Variants in THSD7A observed in about 807,000 individuals in gnomAD.
THSD7A encodes the protein thrombospondin type-1 domain-containing protein 7A.
Under a neutral mutation model 231.3 loss-of-function variants are expected in THSD7A, and 96 were observed. The ratio of observed to expected loss-of-function variants is 0.41; its 90% CI spans 0.35 to 0.49. The LOEUF (loss-of-function observed/expected upper bound fraction) is 0.49, where lower values mean the gene tolerates loss of function less well. THSD7A is among the 20% of genes least tolerant of loss of function. THSD7A has a pLI of 0.05. For synonymous variants in THSD7A, 940 were observed against 743.3 expected (o/e 1.26, Z -4.30); for missense variants, 2,290 against 2,070.2 (o/e 1.11, Z -2.06).
Position 11,634,620 on chromosome 7 carries a change from C to A in THSD7A, c.1022+1510G>T, listed in dbSNP as rs1014518241. Among the ~76,000 whole-genome samples the A allele has an allele frequency of 2.6e-5, 4 of 152,038 alleles. No individual in the cohort carries two copies. The highest frequency in any genetic ancestry group is 6.6e-5 in the Admixed American group (1 of 15,262). ...ACACACACACACACACATACACACA[C>A]ACACATTTAAGGAGTTGTAGGAAAC... is the stretch of plus-strand genomic sequence containing the variant. On this transcript the variant is annotated intron_variant, in intron 2 of 27. Coordinates refer to ENST00000423059, the MANE Select transcript of THSD7A (RefSeq NM_015204.3). The surrounding 1 kb of genome is among the most constrained non-coding windows in gnomAD (Gnocchi z 4.1).
intron 23 of THSD7A, among the ~76,000 whole-genome samples, chr7:11,394,417 G>C (rs894353067): frequency 2.6e-5 from 4 of 152,148 alleles, no homozygotes; most frequent in African/African-American, 9.7e-5. Context: ...ATCAGTCAGA[G>C]TGGTGGGAGA....
chr7:11,805,258 G>A (rs544130363), intron 1 of THSD7A, among the ~76,000 whole-genome samples: 17 of 152,076 alleles, frequency 1.1e-4, no homozygotes, highest in Non-Finnish European at 2.2e-4. Flanking sequence ...AAGGAAATGG[G>A]ACTATCTCTT....
At chr7:11,473,787 A>G (rs1786035229) in intron 8 of THSD7A, among the ~76,000 whole-genome samples, 1 of 152,108 alleles carries the variant, frequency 6.6e-6, no homozygotes, top group Non-Finnish European at 1.5e-5. Flanking sequence ...TCTACTTATA[A>G]TAACACTCAT....
In THSD7A at chr7:11,542,550, G is replaced by A. The variant is rs530871050; in HGVS notation, c.1609+412C>T. ...TCAGGCACTGAACTAAGTGCTTTAT[G>A]TTTATCTGATTGACTGCTTAGAGAC... On this transcript the variant is annotated intron_variant, in intron 5 of 27. Transcript: ENST00000423059. 5.3e-5 allele frequency among the ~76,000 whole-genome samples: 8 copies of A among 152,284 alleles called. No individual in the cohort carries two copies. The East Asian group carries it at 1.5e-3, about 29-fold the overall frequency.
chr7:11,761,440 A>G (rs1417792651), intron 1 of THSD7A, among the ~76,000 whole-genome samples: 5 of 152,086 alleles, frequency 3.3e-5, no homozygotes, highest in Non-Finnish European at 7.4e-5. Flanking sequence ...TGTTTTCATC[A>G]TGCATATCTT....
At chr7:11,554,283 C>G (rs1162932023) in intron 4 of THSD7A, among the ~76,000 whole-genome samples, 1 of 151,902 alleles carries the variant, frequency 6.6e-6, no homozygotes, top group Non-Finnish European at 1.5e-5. Flanking sequence ...TATGAGAAGG[C>G]CATGTGAAGG....
intron 1 of THSD7A, among the ~76,000 whole-genome samples, chr7:11,640,852 C>G (rs866560660): frequency 7.9e-5 from 12 of 152,142 alleles, no homozygotes; most frequent in African/African-American, 2.4e-4. Context: ...ATCAAATGTT[C>G]TTTTCCCACT....
chr7:11,545,377 T>C (rs1789337348), intron 4 of THSD7A, among the ~76,000 whole-genome samples: 1 of 152,178 alleles, frequency 6.6e-6, no homozygotes, highest in African/African-American at 2.4e-5. Context: ...TTATTTTATA[T>C]ATAAAGTTGA....
Position 11,411,116 on chromosome 7 carries a change from G to T in THSD7A, c.3798+91C>A. 1 of 884,784 alleles carries T rather than the reference G, an allele frequency of 1.1e-6. No homozygotes were observed. The highest frequency in any genetic ancestry group is 1.8e-6 in the Non-Finnish European group (1 of 556,670). The allele number at this position is 884,784 out of a possible 1,614,324, so 54.8% of individuals were successfully genotyped here. On this transcript the variant is annotated intron_variant, in intron 19 of 27. Coordinates refer to ENST00000423059, the MANE Select transcript of THSD7A (RefSeq NM_015204.3). This position sits in a 1 kb window ranked among gnomAD's most constrained non-coding sequence, Gnocchi z 4.1. ...GCAGAAAAACATCTGCTGGCAATGAGCTGCATGGAGCACGGGTCACTTGGC... is the reference window on the plus strand; with the variant it reads ...GCAGAAAAACATCTGCTGGCAATGATCTGCATGGAGCACGGGTCACTTGGC...
In THSD7A at chr7:11,766,868, A is replaced by T. The variant is rs1257116325; in HGVS notation, c.190+64889T>A. Among the ~76,000 whole-genome samples, 3 of 152,318 alleles carry T rather than the reference A, an allele frequency of 2.0e-5. No individual in the cohort carries two copies. In the East Asian group the frequency reaches 5.8e-4, roughly 29 times the overall value. On this transcript the variant is annotated intron_variant, in intron 1 of 27. Coordinates refer to ENST00000423059, the MANE Select transcript of THSD7A (RefSeq NM_015204.3). ...CACAAAGCTAAAAAGGACATTTTGA[A>T]GAAAATCTGGGAAATTTGAAAATGG...
At chr7:11,670,171 C>A (rs1783322438) in intron 1 of THSD7A, among the ~76,000 whole-genome samples, 1 of 152,104 alleles carries the variant, frequency 6.6e-6, no homozygotes, top group African/African-American at 2.4e-5. Flanking sequence ...CTGAATAGTT[C>A]AATTTGGCTA....
At chr7:11,677,126 G>T (rs1451196881) in intron 1 of THSD7A, among the ~76,000 whole-genome samples, 1 of 152,068 alleles carries the variant, frequency 6.6e-6, no homozygotes, top group East Asian at 1.9e-4. Context: ...CATTTTTAAA[G>T]AAAAGAATTT....
chr7:11,749,482 A>G (rs1231465283), intron 1 of THSD7A, among the ~76,000 whole-genome samples: 3 of 151,828 alleles, frequency 2.0e-5, no homozygotes, highest in Admixed American at 2.0e-4. Flanking sequence ...ATAAAAAAGA[A>G]TAAGTATAGC....
chr7:11,828,104 T>C (rs1487133692), intron 1 of THSD7A, among the ~76,000 whole-genome samples: 1 of 152,214 alleles, frequency 6.6e-6, no homozygotes, highest in Non-Finnish European at 1.5e-5. Flanking sequence ...AACTCATCTC[T>C]CTTCATTCTA....
chr7:11,481,814 G>T lies in THSD7A; in HGVS notation c.1991C>A (p.Ser664Tyr). ...TTEGKQIRAR[S>Y]ILAYAGEEGG... ...TTCTTCACCCGCATAGGCCAGAATG[G>T]ATCGTGCTCGTATCTGTTTCCCTTC... The change falls in exon 7 of 28, where the codon TCC becomes TAC. Residue 664 changes from serine (S) to tyrosine (Y), a missense_variant. Transcript: ENST00000423059. The T allele has an allele frequency of 6.2e-7, 1 of 1,613,412 alleles. No individual in the cohort carries two copies. The highest frequency in any genetic ancestry group is 1.7e-5 in the Admixed American group (1 of 59,994).
At position 11,424,676 on chromosome 7, in the gene THSD7A, A is replaced by G. The variant is rs2115415189; in HGVS notation, c.3383+20T>C. ...ATAGTTTTGTGTCTTGCTTTTCTGT[A>G]TAATTAGGCTTTGTCTTACCTCACT... On this transcript the variant is annotated intron_variant, in intron 16 of 27. Transcript: ENST00000423059. 1.2e-6 allele frequency: 2 copies of G among 1,613,688 alleles called. No homozygotes were observed. Among genetic ancestry groups the G allele is most frequent in the Non-Finnish European group, 1.7e-6 (2 of 1,179,722 alleles).
intron 1 of THSD7A, among the ~76,000 whole-genome samples, chr7:11,645,423 G>A (rs1301959178): frequency 1.3e-5 from 2 of 151,644 alleles, no homozygotes; most frequent in Admixed American, 1.3e-4. Context: ...TGAGTTTTAA[G>A]GCTGAAATAT....
rs552075434 is a variant in THSD7A, at chr7:11,635,184, T to C, written c.1022+946A>G. On this transcript the variant is annotated intron_variant, in intron 2 of 27. Transcript: ENST00000423059. ...ATGTTTTTTAATCAAGAGAATAGACTGTGTGATAGAGTTGATGACACTTTC... is the reference window on the plus strand; with the variant it reads ...ATGTTTTTTAATCAAGAGAATAGACCGTGTGATAGAGTTGATGACACTTTC... 9.8e-5 allele frequency among the ~76,000 whole-genome samples: 15 copies of C among 152,328 alleles called. No individual in the cohort carries two copies. The East Asian group carries it at 2.7e-3, about 27-fold the overall frequency.
At position 11,475,171 on chromosome 7, in the gene THSD7A, G is replaced by A. The variant is rs77667546; in HGVS notation, c.2018-603C>T. 4.3e-3 allele frequency among the ~76,000 whole-genome samples: 653 copies of A among 152,232 alleles called. 6 individuals are homozygous for A. Among genetic ancestry groups the A allele is most frequent in the Non-Finnish European group, 7.6e-3 (516 of 68,006 alleles). ...AAGTAGACTGGGCTTATGTTATAAA[G>A]AAGCTATTAGTGTGAAGAGTACTAT... On this transcript the variant is annotated intron_variant, in intron 7 of 27. Transcript: ENST00000423059.
Sources: gnomAD v4.1 joint callset for allele counts (sites outside exome capture counted in the v4.1 genomes callset) on GRCh38, gnomAD v4.1.1 for gene constraint, Gnocchi (gnomAD v3.1) non-coding constraint, MANE v1.5 for transcripts, NCBI Gene and HGNC (gene_info 2026-07-23, HGNC 2026-07-21) for gene names.